MIA2: variants seen among roughly 807,000 people sequenced by gnomAD.
The protein encoded by MIA2 is MIA SH3 domain ER export factor 2.
MIA2 carries 127 observed loss-of-function variants against 167.8 expected under a neutral mutation model. The observed-to-expected ratio is 0.76, with a 90% CI of 0.66 to 0.88. The LOEUF is 0.88. MIA2 is among the 40% of genes least tolerant of loss of function. MIA2 has a pLI of 0.00. For synonymous variants in MIA2, 552 were observed against 541.9 expected, an observed-to-expected ratio of 1.02 and a Z score of -0.26; for missense variants, 1,690 against 1,624.7, an observed-to-expected ratio of 1.04 and a Z score of -0.69.
intron 23 of MIA2, among the ~76,000 whole-genome samples, chr14:39,381,575 C>T (rs553771908): frequency 4.1e-4 from 63 of 151,950 alleles, no homozygotes; most frequent in South Asian, 1.7e-3. Flanking sequence ...GGGCGATGGC[C>T]GAAGCTCTTT....
chr14:39,298,163 G>GA (rs2061698987), intron 13 of MIA2, among the ~76,000 whole-genome samples: 1 of 151,858 alleles, frequency 6.6e-6, no homozygotes, highest in South Asian at 2.1e-4. Flanking sequence ...TTCCACCTTG[G>GA]AAAATATTTC....
At chr14:39,295,638 C>T (rs113907577) in intron 13 of MIA2, among the ~76,000 whole-genome samples, 2,824 of 152,188 alleles carry the variant, frequency 0.019, 100 homozygotes, top group African/African-American at 0.065. Context: ...CGGCTCACTG[C>T]GACCTCTGCC....
chr14:39,336,353 A>G (rs1419295795), intron 25 of MIA2, among the ~76,000 whole-genome samples: 1 of 152,210 alleles, frequency 6.6e-6, no homozygotes, highest in Non-Finnish European at 1.5e-5. Flanking sequence ...TATTACTTAA[A>G]GGTTTTATTA....
rs538322355 is a variant in MIA2, at chr14:39,237,008, G to C, written c.202G>C (p.Val68Leu). Reference protein sequence around the residue: ...LNFTKGEEISVYVKLAGERED... With the variant: ...LNFTKGEEISLYVKLAGERED... Reference sequence around the variant, plus strand: ...CTTCACTAAGGGAGAAGAGATATCTGTTTATGTTAAACTTGCAGGAGAAAG... The same window carrying C: ...CTTCACTAAGGGAGAAGAGATATCTCTTTATGTTAAACTTGCAGGAGAAAG... Residue 68 changes from valine to leucine, a missense_variant, in exon 2 of 29, where the codon GTT becomes CTT. Coordinates refer to ENST00000640607, the MANE Select transcript of MIA2 (RefSeq NM_001329214.4). The C allele has an allele frequency of 2.5e-5, 41 of 1,614,094 alleles. No individual in the cohort carries two copies. The highest frequency in any genetic ancestry group is 8.5e-7 in the Non-Finnish European group (1 of 1,179,986).
rs555703538 is a variant in MIA2 at position 39,340,391 on chromosome 14, G to A, written c.3656-5513G>A. Among the ~76,000 whole-genome samples, 14 of 152,296 alleles carry A rather than the reference G, an allele frequency of 9.2e-5. No homozygotes were observed. The South Asian group carries it at 2.9e-3, about 32-fold the overall frequency. On this transcript the variant is annotated intron_variant, in intron 25 of 28. Transcript: ENST00000640607. ...GAGCTGAACAAATAAGAGACATATAGTGTACAGCTAAATTGATGAGAACAG... is the reference window on the plus strand; with the variant it reads ...GAGCTGAACAAATAAGAGACATATAATGTACAGCTAAATTGATGAGAACAG...
At chr14:39,259,517 C>T (rs1013286885) in intron 6 of MIA2, among the ~76,000 whole-genome samples, 1 of 151,808 alleles carries the variant, frequency 6.6e-6, no homozygotes, top group Non-Finnish European at 1.5e-5. Flanking sequence ...TTTCTTTTCT[C>T]TCTCTCTCTT....
At chr14:39,354,053 G>A (rs1039924031), downstream of MIA2, among the ~76,000 whole-genome samples, 3 of 152,212 alleles carry the variant, frequency 2.0e-5, no homozygotes, top group African/African-American at 4.8e-5. Context: ...ATAGCAGCAT[G>A]ATTTATAATC....
chr14:39,274,430 T>C lies in MIA2; in HGVS notation c.1888-2504T>C, dbSNP rs2057623678. On this transcript the variant is annotated intron_variant, in intron 6 of 28. Transcript: ENST00000640607. ...AACTCAGTTTCTTTTTTTCTTTTTT[T>C]CTTTTTTTTTTTTTTTGAGATGGAG... Among the ~76,000 whole-genome samples, 3 of 150,632 alleles carry C rather than the reference T, an allele frequency of 2.0e-5. 1 individual carries two copies. Among genetic ancestry groups the C allele is most frequent in the Admixed American group, 2.0e-4 (3 of 15,106 alleles).
At position 39,293,997 on chromosome 14, in the gene MIA2, T is replaced by C. The variant is rs200411689; in HGVS notation, c.2320-3T>C. 1 of 1,606,790 alleles carries C rather than the reference T, an allele frequency of 6.2e-7. No individual in the cohort carries two copies. The highest frequency in any genetic ancestry group is 1.3e-5 in the African/African-American group (1 of 74,620). On this transcript the variant is annotated splice_polypyrimidine_tract_variant and splice_region_variant and intron_variant, in intron 11 of 28. Coordinates refer to ENST00000640607, the MANE Select transcript of MIA2 (RefSeq NM_001329214.4). ...TATTAATTGCCTGATACTGTGTTTC[T>C]AGATGGCGGATATTTCAAAAAGGAT...
intron 23 of MIA2, among the ~76,000 whole-genome samples, chr14:39,362,718 A>G (rs973644306): frequency 4.6e-5 from 7 of 151,476 alleles, no homozygotes; most frequent in South Asian, 2.1e-4. Flanking sequence ...ATTTCCTTCT[A>G]ATTTTGGGTT....
chr14:39,296,241 A>AT (rs1445960685), intron 13 of MIA2, among the ~76,000 whole-genome samples: 1 of 151,930 alleles, frequency 6.6e-6, no homozygotes, highest in Non-Finnish European at 1.5e-5. Context: ...ATAGGAGATA[A>AT]TTTTTTTAGA....
rs957305872 is a variant in MIA2, at chr14:39,268,934, C to A, written c.1888-8000C>A. 4.5e-6 allele frequency: 4 copies of A among 885,068 alleles called. No homozygotes were observed. In the African/African-American group the frequency reaches 7.2e-5, roughly 16 times the overall value. 54.8% of individuals were successfully genotyped at this position (885,068 alleles called of 1,614,324 possible). On this transcript the variant is annotated intron_variant, in intron 6 of 28. Transcript: ENST00000640607. ...TAGAAAGAGAAGCATATTTCCCTTT[C>A]TTCACTAAAAACAATAATAATCAAG...
chr14:39,369,519 C>T (rs768602620), intron 23 of MIA2, among the ~76,000 whole-genome samples: 1 of 152,172 alleles, frequency 6.6e-6, no homozygotes, highest in Non-Finnish European at 1.5e-5. Flanking sequence ...GCTTCCAGCC[C>T]CTGGTAACAG....
intron 14 of MIA2, among the ~76,000 whole-genome samples, chr14:39,301,405 C>A (rs2062472671): frequency 6.6e-6 from 1 of 152,086 alleles, no homozygotes; most frequent in African/African-American, 2.4e-5. Context: ...ACTTCCTCTA[C>A]TAAAGGCTTT....
At chr14:39,267,271 A>C in intron 6 of MIA2, 1 of 1,424,204 alleles carries the variant, frequency 7.0e-7, no homozygotes. Context: ...CGGGATGGGC[A>C]GCGTAGGCCT....
intron 23 of MIA2, among the ~76,000 whole-genome samples, chr14:39,369,924 A>G (rs1479976012): frequency 6.6e-6 from 1 of 152,242 alleles, no homozygotes; most frequent in Admixed American, 6.5e-5. Context: ...TTTGCTTAAT[A>G]GAAGTTACAC....
chr14:39,265,166 TA>T, intron 6 of MIA2: 1 of 439,032 alleles, frequency 2.3e-6, no homozygotes, highest in Non-Finnish European at 4.0e-6. Flanking sequence ...TGAGTATATA[TA>T]TATATATATA....
intron 23 of MIA2, among the ~76,000 whole-genome samples, chr14:39,365,660 T>A (rs1037794275): frequency 5.8e-5 from 2 of 34,192 alleles, no homozygotes; most frequent in African/African-American, 2.1e-4. Flanking sequence ...CCTATCTATC[T>A]ATCTATCTAT....
chr14:39,251,525 AG>A (rs1209443099), intron 4 of MIA2, among the ~76,000 whole-genome samples: 2 of 152,104 alleles, frequency 1.3e-5, no homozygotes, highest in Non-Finnish European at 2.9e-5. Context: ...AGTTTAAAAC[AG>A]TATTTTAAAA....
Sources: gnomAD v4.1 joint callset for allele counts (sites outside exome capture counted in the v4.1 genomes callset) on GRCh38, gnomAD v4.1.1 for gene constraint, MANE v1.5 for transcripts, NCBI Gene and HGNC (gene_info 2026-07-23, HGNC 2026-07-21) for gene names.